The following ACSM2B variants were observed in gnomAD, a reference collection of about 807,000 sequenced individuals.
ACSM2B encodes acyl-CoA synthetase medium chain family member 2B, also known as acyl-coenzyme A synthetase ACSM2B, mitochondrial.
ACSM2B carries 58 observed loss-of-function variants against 78.6 expected under a neutral mutation model. The observed-to-expected ratio is 0.74, with a 90% CI of 0.60 to 0.92. The LOEUF is 0.92. Ranked by LOEUF, ACSM2B falls within the 40% of genes least tolerant of loss-of-function variation. The probability of loss-of-function intolerance (pLI) is 0.00; values close to 1 mark genes in which losing one functional copy is unlikely to be tolerated. For missense variants in ACSM2B, 688 were observed against 711.2 expected (o/e 0.97, Z 0.37); for synonymous variants, 257 against 256.8 (o/e 1.00, Z -0.01).
At chr16:20,560,021 A>C (rs1322758368) in intron 2 of ACSM2B, among the ~76,000 whole-genome samples, 1 of 151,002 alleles carries the variant, frequency 6.6e-6, no homozygotes, top group African/African-American at 2.5e-5. Context: ...AAATACACAT[A>C]ACATTTCCAG....
Position 20,559,229 on chromosome 16 carries a change from T to C in ACSM2B, c.388+8A>G, listed in dbSNP as rs1223947405. 2.2e-5 allele frequency: 35 copies of C among 1,599,172 alleles called. No homozygotes were observed. Among genetic ancestry groups the C allele is most frequent in the Non-Finnish European group, 2.9e-5 (34 of 1,172,408 alleles). On this transcript the variant is annotated splice_region_variant and intron_variant, in intron 3 of 13. Transcript: ENST00000329697. ...GACAGTTCTCTGTCCAGGTAGTCAGTTACCAACCTGCTCGAATGCAGCCCA... is the reference window on the plus strand; with the variant it reads ...GACAGTTCTCTGTCCAGGTAGTCAGCTACCAACCTGCTCGAATGCAGCCCA...
chr16:20,553,206 G>A (rs2015371936), intron 5 of ACSM2B, among the ~76,000 whole-genome samples: 1 of 151,954 alleles, frequency 6.6e-6, no homozygotes, highest in African/African-American at 2.4e-5. Flanking sequence ...ATGGAAGGTG[G>A]GATCTACTAA....
intron 6 of ACSM2B, among the ~76,000 whole-genome samples, chr16:20,548,803 C>T (rs13335094): frequency 0.045 from 6,905 of 152,176 alleles, 548 homozygotes; most frequent in African/African-American, 0.16. Flanking sequence ...CCCCAGCAAC[C>T]AAGGGAAGAT....
At chr16:20,571,077 C>T (rs2016081376) in intron 1 of ACSM2B, among the ~76,000 whole-genome samples, 1 of 151,622 alleles carries the variant, frequency 6.6e-6, no homozygotes. Flanking sequence ...TTTAGTTCTG[C>T]TCTGATCTTG....
At chr16:20,564,625 T>G in intron 2 of ACSM2B, 44 bp downstream of exon 2, 2 of 1,596,954 alleles carry the variant, frequency 1.3e-6, no homozygotes, top group Non-Finnish European at 1.7e-6. Flanking sequence ...ATTTTAAAAG[T>G]CAACAAAATT....
At chr16:20,567,767 C>T (rs2015969520) in intron 1 of ACSM2B, among the ~76,000 whole-genome samples, 1 of 136,880 alleles carries the variant, frequency 7.3e-6, no homozygotes, top group Non-Finnish European at 1.6e-5. Flanking sequence ...AGTGTATATA[C>T]AGATATATAT....
At chr16:20,547,959 C>T (rs2015189564) in intron 8 of ACSM2B, 103 bp downstream of exon 8, 16 of 1,562,990 alleles carry the variant, frequency 1.0e-5, no homozygotes, top group Non-Finnish European at 2.6e-6. Context: ...AAATATTTCT[C>T]AAATAAATGA....
chr16:20,556,221 T>C (rs1308272107), intron 3 of ACSM2B, among the ~76,000 whole-genome samples: 7 of 152,236 alleles, frequency 4.6e-5, no homozygotes, highest in African/African-American at 1.4e-4. Flanking sequence ...TGCACAGATA[T>C]ATCCCATGAT....
rs537660414 is a variant in ACSM2B at position 20,544,655 on chromosome 16, T to C, written c.1281+502A>G. 1,151 of 985,176 alleles carry C rather than the reference T, an allele frequency of 1.2e-3. 19 individuals are homozygous for C. The South Asian group carries it at 0.032, about 27-fold the overall frequency. 61.0% of individuals were successfully genotyped at this position (985,176 alleles called of 1,614,324 possible). A position where few individuals can be genotyped will look rare whatever the true frequency, so the allele number is the denominator to read the frequency against. On this transcript the variant is annotated intron_variant, in intron 10 of 13. Transcript: ENST00000329697. ...TTGAGCAAGTCTTGTAATCTCTGGC[T>C]CCACCATCCTCACCTGTCAAGTGAG...
intron 8 of ACSM2B, chr16:20,547,830 T>A (rs1305058767): frequency 2.1e-5 from 24 of 1,142,636 alleles, no homozygotes; most frequent in Non-Finnish European, 2.7e-5. Flanking sequence ...TTTCTTAGTT[T>A]ATTGTCTCTC....
intron 1 of ACSM2B, 93 bp downstream of exon 1, chr16:20,576,114 T>C (rs904631824): frequency 1.1e-4 from 17 of 150,272 alleles, no homozygotes; most frequent in African/African-American, 4.3e-4. Flanking sequence ...TCTGTGAGGA[T>C]TTTTGCTCTT....
At chr16:20,557,612 A>C (rs1337281095) in intron 3 of ACSM2B, among the ~76,000 whole-genome samples, 1 of 152,198 alleles carries the variant, frequency 6.6e-6, no homozygotes, top group Non-Finnish European at 1.5e-5. Flanking sequence ...GTGTCACTCA[A>C]TCCATCAATC....
intron 3 of ACSM2B, among the ~76,000 whole-genome samples, chr16:20,556,593 C>A (rs1466283932): frequency 6.6e-6 from 1 of 152,158 alleles, no homozygotes; most frequent in South Asian, 2.1e-4. Flanking sequence ...CAGAGGGAGA[C>A]TCCATCTCAA....
rs373831643 is a variant in ACSM2B at position 20,563,163 on chromosome 16, AC to A, written c.177+1505del. 1.1e-3 allele frequency among the ~76,000 whole-genome samples: 173 copies of A among 152,318 alleles called. 4 individuals are homozygous for A. The South Asian group carries it at 0.035, about 31-fold the overall frequency. On this transcript the variant is annotated intron_variant, in intron 2 of 13. Coordinates refer to ENST00000329697, the MANE Select transcript of ACSM2B (RefSeq NM_001105069.2). Reference sequence around the variant, plus strand: ...AAACTAATTTTTCTGAAAGAAAAAAACAACCTTTTGTATTTGACTAACAAGA... The same window carrying A: ...AAACTAATTTTTCTGAAAGAAAAAAAAACCTTTTGTATTTGACTAACAAGA...
Position 20,536,992 on chromosome 16 carries a change from C to A in ACSM2B, c.*266G>T. The A allele has an allele frequency of 3.1e-6, 1 of 322,138 alleles. No homozygotes were observed. The highest frequency in any genetic ancestry group is 5.6e-6 in the Non-Finnish European group (1 of 179,296). 20.0% of individuals were successfully genotyped at this position (322,138 alleles called of 1,614,324 possible). ...CCCTACTTTATTTCTTTTTCAATTG[C>A]TTTCTCTTGCAGTTTTTAACATTTC... is the stretch of plus-strand genomic sequence containing the variant. On this transcript the variant is annotated 3_prime_UTR_variant, in exon 14 of 14. Coordinates refer to ENST00000329697, the MANE Select transcript of ACSM2B (RefSeq NM_001105069.2).
intron 1 of ACSM2B, among the ~76,000 whole-genome samples, chr16:20,567,366 T>A (rs186995397): frequency 1.1e-5 from 1 of 93,264 alleles, no homozygotes; most frequent in African/African-American, 5.6e-5. Context: ...ATATTATATA[T>A]TATATAATAT....
chr16:20,547,825 T>C, intron 8 of ACSM2B: 2 of 1,095,454 alleles, frequency 1.8e-6, no homozygotes, highest in Non-Finnish European at 2.4e-6. Flanking sequence ...AGATATTTCT[T>C]AGTTTATTGT....
Position 20,543,136 on chromosome 16 carries a change from C to T in ACSM2B, c.1408G>A (p.Gly470Arg), listed in dbSNP as rs150327444. Residue 470 changes from glycine to arginine, a missense_variant and splice_region_variant, in exon 11 of 14, where the codon GGG becomes AGG. Transcript: ENST00000329697. ...TCCCAACCCAGAAACCAAGCTCACC[C>T]GCTGGAGTTAATGATATCATCTGCC... ...GRADDIINSS[G>R]YRIGPSEVEN... 101 of 1,613,628 alleles carry T rather than the reference C, an allele frequency of 6.3e-5. No homozygotes were observed. The highest frequency in any genetic ancestry group is 4.1e-4 in the African/African-American group (31 of 74,746).
intron 8 of ACSM2B, 144 bp downstream of exon 8, chr16:20,547,918 C>T (rs1164072006): frequency 6.6e-7 from 1 of 1,509,172 alleles, no homozygotes; most frequent in African/African-American, 1.4e-5. Context: ...ATTTTCAATA[C>T]TCAGTACCTG....
Sources: allele counts gnomAD v4.1 joint callset (sites outside exome capture counted in the v4.1 genomes callset), GRCh38; gene constraint gnomAD v4.1.1; transcripts MANE v1.5; gene names NCBI Gene and HGNC (gene_info 2026-07-23, HGNC 2026-07-21).